The following ATP6V0A4 variants were observed in gnomAD, a reference collection of about 807,000 sequenced individuals.
The protein encoded by ATP6V0A4 is ATPase H+ transporting V0 subunit a4, also known as V-type proton ATPase 116 kDa subunit a 4.
ATP6V0A4 carries 86 observed loss-of-function variants against 107.3 expected under a neutral mutation model. The observed-to-expected ratio is 0.80, with a 90% confidence interval of 0.67 to 0.96. The LOEUF is 0.96. Ranked by LOEUF, ATP6V0A4 falls within the 40% of genes least tolerant of loss-of-function variation. ATP6V0A4 has a pLI of 0.00. For missense variants in ATP6V0A4, 908 were observed against 1,045.6 expected (o/e 0.87, Z 1.81); for synonymous variants, 353 against 381.4 (o/e 0.93, Z 0.87).
chr7:138,725,670 C>A (rs929299988), intron 18 of ATP6V0A4, among the ~76,000 whole-genome samples: 2 of 152,088 alleles, frequency 1.3e-5, no homozygotes, highest in East Asian at 3.9e-4. Context: ...CTCACCACCA[C>A]GCCGGCTAAT....
At chr7:138,766,412 G>A (rs943671164) in intron 5 of ATP6V0A4, among the ~76,000 whole-genome samples, 1 of 151,718 alleles carries the variant, frequency 6.6e-6, no homozygotes, top group African/African-American at 2.4e-5. Context: ...CACCATGTTA[G>A]TCAGGCTGGT....
chr7:138,743,543 T>C (rs1344778143), intron 14 of ATP6V0A4, among the ~76,000 whole-genome samples: 1 of 151,932 alleles, frequency 6.6e-6, no homozygotes, highest in Admixed American at 6.6e-5. Flanking sequence ...TTGGATGAAA[T>C]TGATTGTTCA....
Position 138,755,768 on chromosome 7 carries a change from A to T in ATP6V0A4, c.737T>A (p.Val246Asp), listed in dbSNP as rs757920987. The change falls in exon 10 of 22, where the codon GTC (valine) becomes GAC (aspartate). Residue 246 changes from valine to aspartate, a missense_variant. By Grantham distance (152) the Val-to-Asp change is radical. Transcript: ENST00000310018. ...CACCGCAGGCTCTGGGCAAGGGTAG[A>T]CAGTGGCTCGAAACCTGTGTTTAAT... ...KKICDGFRAT[V>D]YPCPEPAVER... is the part of the protein sequence containing the mutation. 7.4e-6 allele frequency: 12 copies of T among 1,613,378 alleles called. No homozygotes were observed. The African/African-American group carries it at 1.2e-4, about 16-fold the overall frequency.
At chr7:138,714,255 C>T (rs1332555686) in intron 20 of ATP6V0A4, among the ~76,000 whole-genome samples, 2 of 141,284 alleles carry the variant, frequency 1.4e-5, no homozygotes, top group Non-Finnish European at 3.1e-5. Context: ...AAAAAAAACG[C>T]TCCTCAGGGC....
chr7:138,731,818 A>G lies in ATP6V0A4; in HGVS notation c.1908+1059T>C, dbSNP rs182088127. 3.8e-3 allele frequency among the ~76,000 whole-genome samples: 578 copies of G among 152,130 alleles called. 2 individuals carry two copies. The highest frequency in any genetic ancestry group is 0.014 in the African/African-American group (566 of 41,518). ...TGAGGCAGGAGAATCACTTGAACCCAGGAGGCGGAGGTCGCAATGAGCCAA... is the reference window on the plus strand; with the variant it reads ...TGAGGCAGGAGAATCACTTGAACCCGGGAGGCGGAGGTCGCAATGAGCCAA... On this transcript the variant is annotated intron_variant, in intron 17 of 21. Coordinates refer to ENST00000310018, the MANE Select transcript of ATP6V0A4 (RefSeq NM_020632.3).
intron 15 of ATP6V0A4, among the ~76,000 whole-genome samples, chr7:138,735,166 G>T (rs1469017047): frequency 2.6e-5 from 4 of 152,020 alleles, no homozygotes; most frequent in Non-Finnish European, 2.9e-5. Flanking sequence ...TGGGTGGAGG[G>T]GTTAGTTAGG....
chr7:138,750,160 C>T (rs1378428466), intron 11 of ATP6V0A4, among the ~76,000 whole-genome samples: 1 of 152,134 alleles, frequency 6.6e-6, no homozygotes, highest in Non-Finnish European at 1.5e-5. Context: ...ATGCCTTAAT[C>T]CTCCATTCAC....
At chr7:138,734,605 T>C (rs773946917) in intron 15 of ATP6V0A4, among the ~76,000 whole-genome samples, 7 of 151,838 alleles carry the variant, frequency 4.6e-5, no homozygotes, top group South Asian at 2.1e-4. Context: ...GGCGAAACCC[T>C]GTCTCTACAC....
At chr7:138,712,261 A>T (rs748263792) in intron 20 of ATP6V0A4, among the ~76,000 whole-genome samples, 1 of 151,930 alleles carries the variant, frequency 6.6e-6, no homozygotes, top group Non-Finnish European at 1.5e-5. Context: ...AGTGGATCTC[A>T]GCGCTTCAAG....
chr7:138,796,488 T>A (rs956309591), intron 1 of ATP6V0A4, among the ~76,000 whole-genome samples: 2 of 152,114 alleles, frequency 1.3e-5, no homozygotes, highest in Non-Finnish European at 2.9e-5. Flanking sequence ...AGTCCACCCC[T>A]CACCCTTACC....
chr7:138,787,973 C>T (rs1195622050), intron 1 of ATP6V0A4, among the ~76,000 whole-genome samples: 1 of 151,998 alleles, frequency 6.6e-6, no homozygotes, highest in Non-Finnish European at 1.5e-5. Flanking sequence ...GCACTCCACC[C>T]TGGGCAATAG....
Position 138,771,187 on chromosome 7 carries a change from CT to C in ATP6V0A4, c.60del (p.Ala21LeufsTer20). ...MCLSQLFLQV[E>X]AAYCCVAELG... ...AGCTCAGCCACACAGCAATATGCAG[CT>C]TCCACCTGGAGAAACAGTTGTGACA... On this transcript the variant is annotated frameshift_variant, in exon 3 of 22. Coordinates refer to ENST00000310018, the MANE Select transcript of ATP6V0A4 (RefSeq NM_020632.3). LOFTEE classifies it high-confidence loss of function. 6.2e-7 allele frequency: 1 copy of C among 1,614,218 alleles called. No homozygotes were observed. The highest frequency in any genetic ancestry group is 2.2e-5 in the East Asian group (1 of 44,880).
At chr7:138,715,091 A>G (rs1584889804) in intron 20 of ATP6V0A4, among the ~76,000 whole-genome samples, 1 of 152,234 alleles carries the variant, frequency 6.6e-6, no homozygotes, top group South Asian at 2.1e-4. Flanking sequence ...TGGAAAGGCC[A>G]GGAAACAAAT....
chr7:138,735,389 T>C (rs1584910504), intron 15 of ATP6V0A4, among the ~76,000 whole-genome samples: 1 of 152,162 alleles, frequency 6.6e-6, no homozygotes, highest in East Asian at 1.9e-4. Context: ...CTTTCTCACC[T>C]TTTCTGCTAA....
At chr7:138,759,382 G>C (rs890972954) in intron 8 of ATP6V0A4, among the ~76,000 whole-genome samples, 1 of 151,956 alleles carries the variant, frequency 6.6e-6, no homozygotes, top group Non-Finnish European at 1.5e-5. Flanking sequence ...CAAGATCCCC[G>C]GGTGACCTCT....
intron 2 of ATP6V0A4, among the ~76,000 whole-genome samples, chr7:138,782,192 G>T (rs142413030): frequency 1.1e-4 from 16 of 152,312 alleles, no homozygotes; most frequent in African/African-American, 3.8e-4. Flanking sequence ...CCCTCTGAAG[G>T]CTGTGAGGAA....
At position 138,773,010 on chromosome 7, in the gene ATP6V0A4, G is replaced by T. The variant is rs544464984; in HGVS notation, c.-17-1746C>A. On this transcript the variant is annotated intron_variant, in intron 2 of 21. Coordinates refer to ENST00000310018, the MANE Select transcript of ATP6V0A4 (RefSeq NM_020632.3). The surrounding 1 kb of genome is among the most constrained non-coding windows in gnomAD (Gnocchi z 5.4). ...AGCTATTCCCAAAGATCCTCCCGAC[G>T]GCCCTACTGCTGCCAAATCACACTT... Among the ~76,000 whole-genome samples the T allele has an allele frequency of 6.6e-6, 1 of 152,078 alleles. No homozygotes were observed. Among genetic ancestry groups the T allele is most frequent in the African/African-American group, 2.4e-5 (1 of 41,388 alleles).
chr7:138,716,689 G>C (rs907315675), intron 19 of ATP6V0A4, among the ~76,000 whole-genome samples: 6 of 152,070 alleles, frequency 3.9e-5, no homozygotes, highest in African/African-American at 1.4e-4. Flanking sequence ...TCAGCCTACC[G>C]AGTAGCTGGG....
intron 18 of ATP6V0A4, among the ~76,000 whole-genome samples, chr7:138,724,258 T>C (rs1804595380): frequency 6.6e-6 from 1 of 150,826 alleles, no homozygotes; most frequent in African/African-American, 2.4e-5. Context: ...TTGTAAAAAC[T>C]GGGAAGGCTA....
Sources: gnomAD v4.1 joint callset for allele counts (sites outside exome capture counted in the v4.1 genomes callset) on GRCh38, gnomAD v4.1.1 for gene constraint, Gnocchi (gnomAD v3.1) non-coding constraint, MANE v1.5 for transcripts, NCBI Gene and HGNC (gene_info 2026-07-23, HGNC 2026-07-21) for gene names.